Variants in FNDC3B observed in about 807,000 individuals in gnomAD.
FNDC3B encodes the protein fibronectin type III domain-containing protein 3B.
FNDC3B carries 12 observed loss-of-function variants against 151.5 expected under a neutral mutation model. The ratio of observed to expected loss-of-function variants is 0.08; its 90% CI spans 0.05 to 0.13. The LOEUF is 0.13. Among genes scored for constraint, FNDC3B ranks in the 10% least tolerant of loss-of-function variants. FNDC3B has a pLI of 1.00. For synonymous variants in FNDC3B, 528 were observed against 549.0 expected (o/e 0.96, Z 0.54); for missense variants, 1,214 against 1,505.3 (o/e 0.81, Z 3.20).
At chr3:172,345,081 G>A (rs562612911) in intron 19 of FNDC3B, among the ~76,000 whole-genome samples, 8 of 152,304 alleles carry the variant, frequency 5.3e-5, no homozygotes, top group South Asian at 2.1e-4. Context: ...CCAACTTGCA[G>A]TGACTTTTTG....
intron 1 of FNDC3B, among the ~76,000 whole-genome samples, chr3:172,048,107 G>T (rs1352540363): frequency 6.6e-6 from 1 of 152,094 alleles, no homozygotes; most frequent in Non-Finnish European, 1.5e-5. Context: ...TCTTTTAAAA[G>T]ATTTCTGGAT....
intron 11 of FNDC3B, among the ~76,000 whole-genome samples, chr3:172,315,669 A>G (rs1731743695): frequency 6.6e-6 from 1 of 152,224 alleles, no homozygotes; most frequent in Non-Finnish European, 1.5e-5. Context: ...TAGATGAGTC[A>G]CATCACATTT....
intron 11 of FNDC3B, among the ~76,000 whole-genome samples, chr3:172,321,150 G>A (rs756417118): frequency 6.6e-6 from 1 of 152,182 alleles, no homozygotes; most frequent in Non-Finnish European, 1.5e-5. Context: ...GTTACATGAG[G>A]AAGTCCTTTG....
At chr3:172,344,728 C>T (rs1247437814) in intron 19 of FNDC3B, among the ~76,000 whole-genome samples, 1 of 152,196 alleles carries the variant, frequency 6.6e-6, no homozygotes, top group African/African-American at 2.4e-5. Flanking sequence ...GTGAAAACTA[C>T]AGGACTCTCT....
At chr3:172,164,754 T>G (rs558153067) in intron 3 of FNDC3B, among the ~76,000 whole-genome samples, 9 of 152,328 alleles carry the variant, frequency 5.9e-5, no homozygotes, top group African/African-American at 1.7e-4. Context: ...TGTTTGGTTG[T>G]TTGTTTTTTA....
chr3:172,077,228 A>C (rs1181442979), intron 1 of FNDC3B, among the ~76,000 whole-genome samples: 1 of 152,228 alleles, frequency 6.6e-6, no homozygotes, highest in Non-Finnish European at 1.5e-5. Context: ...ATCTGTGCTT[A>C]GGTGAAACTG....
At chr3:172,262,585 T>C (rs11926520) in intron 6 of FNDC3B, among the ~76,000 whole-genome samples, 4,717 of 150,242 alleles carry the variant, frequency 0.031, 242 homozygotes, top group African/African-American at 0.11. Flanking sequence ...AAACTGGAAA[T>C]TGAGAATTTT....
At chr3:172,090,554 C>G (rs1323649451) in intron 1 of FNDC3B, among the ~76,000 whole-genome samples, 1 of 152,212 alleles carries the variant, frequency 6.6e-6, no homozygotes, top group African/African-American at 2.4e-5. Flanking sequence ...TATTCTTAAT[C>G]ACTTTCCTTG....
At chr3:172,354,983 CA>C (rs986356556) in intron 22 of FNDC3B, among the ~76,000 whole-genome samples, 3 of 150,944 alleles carry the variant, frequency 2.0e-5, no homozygotes, top group Non-Finnish European at 4.4e-5. Context: ...TGTACTAATG[CA>C]AAAAAGCTTC....
chr3:172,362,152 C>A (rs148487336), intron 22 of FNDC3B, among the ~76,000 whole-genome samples: 4 of 152,320 alleles, frequency 2.6e-5, no homozygotes, highest in Non-Finnish European at 5.9e-5. Flanking sequence ...TAGATAAGGA[C>A]TTGCAGAGAT....
intron 11 of FNDC3B, among the ~76,000 whole-genome samples, chr3:172,312,084 C>T (rs992253490): frequency 6.6e-6 from 1 of 151,934 alleles, no homozygotes; most frequent in Non-Finnish European, 1.5e-5. Flanking sequence ...AGAACTTAGG[C>T]AAAAAATGAC....
intron 3 of FNDC3B, among the ~76,000 whole-genome samples, chr3:172,158,864 CTCCCCTCTTCCT>C (rs1722633758): frequency 1.3e-5 from 2 of 152,180 alleles, no homozygotes; most frequent in Admixed American, 6.5e-5. Context: ...TCCTCCTTCC[CTCCCCTCTTCCT>C]CTCCCTCCTC....
intron 23 of FNDC3B, among the ~76,000 whole-genome samples, chr3:172,371,459 CAT>C (rs1734879279): frequency 6.6e-6 from 1 of 152,166 alleles, no homozygotes; most frequent in Non-Finnish European, 1.5e-5. Context: ...CATTAAAACT[CAT>C]GCGTGCTTAT....
intron 3 of FNDC3B, among the ~76,000 whole-genome samples, chr3:172,207,786 A>G (rs1265960493): frequency 6.6e-6 from 1 of 152,164 alleles, no homozygotes; most frequent in Admixed American, 6.5e-5. Flanking sequence ...TGTCTCTACT[A>G]AAAATACAAA....
At chr3:172,328,787 A>C (rs549282134) in intron 11 of FNDC3B, among the ~76,000 whole-genome samples, 165 bp from the exon 12 acceptor site, 1 of 152,078 alleles carries the variant, frequency 6.6e-6, no homozygotes, top group Non-Finnish European at 1.5e-5. Context: ...AGAATGCTTT[A>C]TTTGCAACAT....
At chr3:172,045,389 G>C (rs545074852) in intron 1 of FNDC3B, among the ~76,000 whole-genome samples, 1 of 152,266 alleles carries the variant, frequency 6.6e-6, no homozygotes, top group South Asian at 2.1e-4. Context: ...GAAGTGGGCA[G>C]GCCAGGCTTG....
chr3:172,295,602 A>G, intron 8 of FNDC3B, 88 bp downstream of exon 8: 1 of 1,290,794 alleles, frequency 7.7e-7, no homozygotes, highest in South Asian at 1.4e-5. Context: ...AAAACCTTAT[A>G]GGCTTGGCAA....
At chr3:172,317,175 CTTTTTCTT>C (rs1355138862) in intron 11 of FNDC3B, 2 of 443,208 alleles carry the variant, frequency 4.5e-6, no homozygotes, top group Non-Finnish European at 8.9e-6. Context: ...GATTAATTTT[CTTTTTCTT>C]TTTTTCTTTT....
intron 3 of FNDC3B, among the ~76,000 whole-genome samples, chr3:172,185,244 G>A (rs2108659524): frequency 6.6e-6 from 1 of 152,252 alleles, no homozygotes; most frequent in East Asian, 1.9e-4. Flanking sequence ...TTGGAAAAAG[G>A]ATTTCCCATT....
Sources: allele counts gnomAD v4.1 joint callset (sites outside exome capture counted in the v4.1 genomes callset), GRCh38; gene constraint gnomAD v4.1.1; transcripts MANE v1.5; gene names NCBI Gene and HGNC (gene_info 2026-07-23, HGNC 2026-07-21).